Variants in ARSG observed in about 807,000 individuals in gnomAD.
ARSG encodes the protein ASG.
ARSG carries 37 observed loss-of-function variants against 50.5 expected under a neutral mutation model. That is an observed-to-expected ratio of 0.73 (90% CI 0.56 to 0.96). The LOEUF (loss-of-function observed/expected upper bound fraction) is 0.96, where lower values mean the gene tolerates loss of function less well. Ranked by LOEUF, ARSG falls within the 50% of genes least tolerant of loss-of-function variation. The probability of loss-of-function intolerance (pLI) is 0.00; values close to 1 mark genes in which losing one functional copy is unlikely to be tolerated. For missense variants in ARSG, 629 were observed against 675.3 expected (o/e 0.93, Z 0.76); for synonymous variants, 225 against 254.6 (o/e 0.88, Z 1.11).
downstream of ARSG, among the ~76,000 whole-genome samples, chr17:68,426,409 T>G (rs760690307): frequency 6.6e-6 from 1 of 152,202 alleles, no homozygotes; most frequent in South Asian, 2.1e-4. Context: ...TTTGAATTTT[T>G]CTTTGTTGAG....
At chr17:68,328,943 A>G (rs1448141116) in intron 2 of ARSG, among the ~76,000 whole-genome samples, 2 of 152,248 alleles carry the variant, frequency 1.3e-5, no homozygotes, top group Non-Finnish European at 2.9e-5. Flanking sequence ...CAGGGCAGTG[A>G]TGAGACTAGG....
chr17:68,337,088 G>A (rs191470133), intron 2 of ARSG, among the ~76,000 whole-genome samples: 19 of 152,222 alleles, frequency 1.2e-4, no homozygotes, highest in Non-Finnish European at 1.6e-4. Context: ...GGAGTGAAGC[G>A]TCTAGGCAGC....
intron 8 of ARSG, among the ~76,000 whole-genome samples, chr17:68,379,232 A>G (rs904764783): frequency 6.6e-6 from 1 of 151,998 alleles, no homozygotes; most frequent in African/African-American, 2.4e-5. Context: ...TTAGAAACAA[A>G]GCCTGCTTCT....
At chr17:68,413,230 T>C (rs1372677218) in intron 11 of ARSG, among the ~76,000 whole-genome samples, 1 of 152,190 alleles carries the variant, frequency 6.6e-6, no homozygotes, top group Non-Finnish European at 1.5e-5. Context: ...TTCTGCTCTG[T>C]TTTTTCCCCA....
Position 68,271,050 on chromosome 17 carries a change from A to T in ARSG, c.-552+11624A>T, listed in dbSNP as rs782499135. 5.0e-6 allele frequency: 8 copies of T among 1,614,122 alleles called. No individual in the cohort carries two copies. In the Admixed American group the frequency reaches 1.3e-4, roughly 27 times the overall value. ...CAAAAGTAAAGGCAAACAGAGACAC[A>T]GTCAATAAGATGACGCAGATGAGCT... is the stretch of plus-strand genomic sequence containing the variant. On this transcript the variant is annotated intron_variant, in intron 1 of 11. Coordinates refer to the ARSG transcript ENST00000448504. The surrounding 1 kb of genome is among the most constrained non-coding windows in gnomAD (Gnocchi z 5.3).
the ARSG span, among the ~76,000 whole-genome samples, chr17:68,444,771 G>C: frequency 6.6e-6 from 1 of 152,084 alleles, no homozygotes; most frequent in Non-Finnish European, 1.5e-5. Context: ...TCATCCACCT[G>C]AACACAAGCA....
At chr17:68,267,484 A>G (rs1286932322) in intron 1 of ARSG, 21 of 152,320 alleles carry the variant, frequency 1.4e-4, no homozygotes, top group African/African-American at 4.8e-4. Context: ...GTGGTGATGA[A>G]CTATGCCACT....
At chr17:68,398,738 C>CTGGA (rs905953007) in intron 10 of ARSG, among the ~76,000 whole-genome samples, 2 of 152,252 alleles carry the variant, frequency 1.3e-5, no homozygotes, top group Non-Finnish European at 2.9e-5. Flanking sequence ...CAGTTCCACA[C>CTGGA]TGGATGGTCT....
chr17:68,367,605 G>A lies in ARSG; in HGVS notation c.705-943G>A, dbSNP rs546295937. Among the ~76,000 whole-genome samples the A allele has an allele frequency of 7.9e-5, 12 of 152,268 alleles. No homozygotes were observed. Among genetic ancestry groups the A allele is most frequent in the Non-Finnish European group, 1.5e-4 (10 of 68,020 alleles). ...ACTGGGACCTTTGCTTGGAAGCCAC[G>A]CCAGCTCCCTCCAAGCCTTTCATTC... On this transcript the variant is annotated intron_variant, in intron 6 of 11. Transcript: ENST00000621439. This position sits in a 1 kb window ranked among gnomAD's most constrained non-coding sequence, Gnocchi z 4.5.
Position 68,381,786 on chromosome 17 carries a change from C to T in ARSG, c.983-3278C>T, listed in dbSNP as rs1163322407. 3.9e-5 allele frequency among the ~76,000 whole-genome samples: 6 copies of T among 152,062 alleles called. No individual in the cohort carries two copies. The South Asian group carries it at 8.3e-4, about 21-fold the overall frequency. On this transcript the variant is annotated intron_variant, in intron 8 of 11. Coordinates refer to ENST00000621439, the MANE Select transcript of ARSG (RefSeq NM_001267727.2). The surrounding 1 kb of genome is among the most constrained non-coding windows in gnomAD (Gnocchi z 4.1). ...TTGATGTCAGAGCTTCACTGCAGGT[C>T]GATTAAATCACAGTCTCTGGGAAAG...
At chr17:68,278,617 CTTTTTTTTTTTT>C (rs56870988) in intron 1 of ARSG, among the ~76,000 whole-genome samples, 3 of 111,980 alleles carry the variant, frequency 2.7e-5, no homozygotes, top group African/African-American at 7.5e-5. Context: ...TTTCTTTTTC[CTTTTTTTTTTTT>C]TTTTTTTTGA....
At chr17:68,325,322 C>T (rs922584360) in intron 2 of ARSG, among the ~76,000 whole-genome samples, 1 of 152,094 alleles carries the variant, frequency 6.6e-6, no homozygotes, top group Non-Finnish European at 1.5e-5. Context: ...TGGCTCCCAT[C>T]ACCCCCAGAT....
In ARSG at chr17:68,347,195, G is replaced by C. The variant is rs1271900805; in HGVS notation, c.454+23G>C. 4.3e-6 allele frequency: 7 copies of C among 1,610,914 alleles called. No homozygotes were observed. The African/African-American group carries it at 8.0e-5, about 18-fold the overall frequency. ...GTGGTAAGAATTCTTTTGGGGATTT[G>C]TTACCTGGGAAACAGAAAATAAAGG... On this transcript the variant is annotated intron_variant, in intron 4 of 11. Transcript: ENST00000621439.
chr17:68,397,876 C>T (rs1019709288), intron 10 of ARSG, among the ~76,000 whole-genome samples: 10 of 152,192 alleles, frequency 6.6e-5, no homozygotes, highest in African/African-American at 2.4e-4. Context: ...AAGCGATTCT[C>T]CTGCCTCAGC....
intron 1 of ARSG, among the ~76,000 whole-genome samples, chr17:68,266,862 C>T (rs1200621022): frequency 2.6e-5 from 4 of 151,988 alleles, no homozygotes; most frequent in African/African-American, 7.3e-5. Flanking sequence ...GTAGAAACTT[C>T]TTGGGAAACT....
chr17:68,291,851 G>A (rs1235756249), intron 1 of ARSG, among the ~76,000 whole-genome samples: 4 of 151,814 alleles, frequency 2.6e-5, no homozygotes, highest in African/African-American at 7.2e-5. Flanking sequence ...GCGCCCTGAG[G>A]ATTTAGGGAT....
chr17:68,330,990 G>GGA (rs2077713003), intron 2 of ARSG, among the ~76,000 whole-genome samples: 1 of 87,388 alleles, frequency 1.1e-5, no homozygotes, highest in South Asian at 4.0e-4. Context: ...GGGGGGGGGG[G>GGA]AGGTGGTGGG....
chr17:68,406,944 T>C (rs1371347424), intron 11 of ARSG, among the ~76,000 whole-genome samples: 1 of 152,238 alleles, frequency 6.6e-6, no homozygotes, highest in Non-Finnish European at 1.5e-5. Context: ...AATCCTTGCC[T>C]AAGCCAATGT....
rs2075453981 is a variant in ARSG, at chr17:68,274,696, T to C, written c.-552+15270T>C. 1.3e-5 allele frequency: 2 copies of C among 152,204 alleles called. 1 individual carries two copies. The highest frequency in any genetic ancestry group is 4.1e-4 in the South Asian group (2 of 4,832). 9.4% of individuals were successfully genotyped at this position (152,204 alleles called of 1,614,324 possible). ...TCTATAATAAAAATTGGTTTTCCTATGATTGCTTGAATTATTTTTTCTCTA... is the reference window on the plus strand; with the variant it reads ...TCTATAATAAAAATTGGTTTTCCTACGATTGCTTGAATTATTTTTTCTCTA... On this transcript the variant is annotated intron_variant, in intron 1 of 11. Transcript: ENST00000448504.
Sources: gnomAD v4.1 joint callset for allele counts (sites outside exome capture counted in the v4.1 genomes callset) on GRCh38, gnomAD v4.1.1 for gene constraint, Gnocchi (gnomAD v3.1) non-coding constraint, MANE v1.5 for transcripts, NCBI Gene and HGNC (gene_info 2026-07-23, HGNC 2026-07-21) for gene names.